USP9Y: variants seen among roughly 807,000 people sequenced by gnomAD.
USP9Y encodes the protein ubiquitin specific peptidase 9 Y-linked.
Under a neutral mutation model 53.1 loss-of-function variants are expected in USP9Y, and 41 were observed. That is an observed-to-expected ratio of 0.77 (90% CI 0.60 to 1.00). USP9Y has a LOEUF of 1.00. Ranked by LOEUF, USP9Y falls within the 50% of genes least tolerant of loss-of-function variation. USP9Y has a pLI of 0.00. For synonymous variants in USP9Y, 220 were observed against 173.7 expected (o/e 1.27, Z -2.09); for missense variants, 567 against 535.8 (o/e 1.06, Z -0.58).
At chrY:12,780,377 C>G in intron 22 of USP9Y, among the ~76,000 whole-genome samples, 1 of 32,922 alleles carries the variant, frequency 3.0e-5, no homozygotes, top group South Asian at 6.8e-4. Flanking sequence ...CTCTTTGACA[C>G]AGCTATCATT....
rs548627167 is a variant in USP9Y at position 12,797,600 on chromosome Y, G to A, written c.3983+4399G>A. Among the ~76,000 whole-genome samples, 226 of 33,448 alleles carry A rather than the reference G, an allele frequency of 6.8e-3. No homozygotes were observed. The South Asian group carries it at 0.15, about 22-fold the overall frequency. 89.7% of individuals were successfully genotyped at this position (33,448 alleles called of 37,273 possible). A position where few individuals can be genotyped will look rare whatever the true frequency, so the allele number is the denominator to read the frequency against. On this transcript the variant is annotated intron_variant, in intron 27 of 45. Coordinates refer to ENST00000338981, the MANE Select transcript of USP9Y (RefSeq NM_004654.4). ...GACAAATGTTTTTTATTCAGATCTT[G>A]AAAAGGTGCTGGACCTTCAGTTAAT... is the stretch of plus-strand genomic sequence containing the variant.
intron 15 of USP9Y, among the ~76,000 whole-genome samples, chrY:12,767,195 G>C (rs752724230): frequency 6.0e-5 from 2 of 33,159 alleles, no homozygotes; most frequent in East Asian, 1.6e-3. Context: ...TTAAAGGCCA[G>C]GTTCTGAGGC....
intron 42 of USP9Y, among the ~76,000 whole-genome samples, chrY:12,850,397 T>C (rs2053570770): frequency 3.1e-5 from 1 of 31,959 alleles, no homozygotes; most frequent in African/African-American, 1.2e-4. Flanking sequence ...AAAAACCAGC[T>C]CCTGGATTCA....
At chrY:12,743,414 C>T (rs2053458139) in intron 12 of USP9Y, among the ~76,000 whole-genome samples, 1 of 31,757 alleles carries the variant, frequency 3.1e-5, no homozygotes, top group Non-Finnish European at 7.6e-5. Flanking sequence ...CCACCACACC[C>T]GGCTAACTTT....
chrY:12,753,875 G>A, intron 12 of USP9Y, among the ~76,000 whole-genome samples: 2 of 32,480 alleles, frequency 6.2e-5, no homozygotes, highest in African/African-American at 1.2e-4. Flanking sequence ...AATTTTCTCT[G>A]TTGTTTCTTT....
chrY:12,727,707 G>A (rs2053443958), intron 7 of USP9Y, among the ~76,000 whole-genome samples: 1 of 32,980 alleles, frequency 3.0e-5, no homozygotes, highest in Non-Finnish European at 7.5e-5. Context: ...GCACATGTGC[G>A]TGTGCTCACA....
intron 1 of USP9Y, among the ~76,000 whole-genome samples, chrY:12,705,544 T>G: frequency 3.1e-5 from 1 of 32,425 alleles, no homozygotes; most frequent in East Asian, 7.9e-4. Context: ...TTTTGTACTA[T>G]TATTTTGTTG....
intron 12 of USP9Y, among the ~76,000 whole-genome samples, chrY:12,755,033 T>G: frequency 3.0e-5 from 1 of 32,916 alleles, no homozygotes; most frequent in African/African-American, 1.2e-4. Flanking sequence ...TTTCATTGTT[T>G]AGTGACCTAT....
At chrY:12,804,439 G>T (rs2053522142) in intron 27 of USP9Y, among the ~76,000 whole-genome samples, 1 of 33,067 alleles carries the variant, frequency 3.0e-5, no homozygotes, top group Non-Finnish European at 7.4e-5. Context: ...TTCATAATTG[G>T]CCATATATTT....
At chrY:12,838,490 T>G in intron 35 of USP9Y, among the ~76,000 whole-genome samples, 1 of 33,332 alleles carries the variant, frequency 3.0e-5, no homozygotes, top group African/African-American at 1.2e-4. Context: ...TTTGAATTTT[T>G]TTTTTATTTC....
intron 25 of USP9Y, 86 bp from the exon 26 acceptor site, chrY:12,791,413 C>T: frequency 3.1e-6 from 1 of 317,961 alleles, no homozygotes; most frequent in South Asian, 3.5e-5. Flanking sequence ...ATTTCCACTT[C>T]TTTCACTAAG....
chrY:12,797,031 C>A, intron 27 of USP9Y, among the ~76,000 whole-genome samples: 1 of 33,714 alleles, frequency 3.0e-5, no homozygotes, highest in Non-Finnish European at 7.4e-5. Flanking sequence ...AGGCTTCTGA[C>A]AATATATTAG....
chrY:12,859,548 T>C lies in USP9Y; in HGVS notation c.*132T>C. On this transcript the variant is annotated 3_prime_UTR_variant, in exon 46 of 46. Coordinates refer to ENST00000338981, the MANE Select transcript of USP9Y (RefSeq NM_004654.4). ...AACATGGAGTAAAGAGCATATTCAC[T>C]GGTTTATTTGCAGTAATTTGCAATT... 2.3e-5 allele frequency: 5 copies of C among 216,019 alleles called. No homozygotes were observed. Among genetic ancestry groups the C allele is most frequent in the Non-Finnish European group, 3.8e-5 (5 of 131,687 alleles). 53.9% of individuals were successfully genotyped at this position (216,019 alleles called of 400,897 possible).
Position 12,842,301 on chromosome Y carries a change from A to T in USP9Y, c.6274A>T (p.Asn2092Tyr). Residue 2092 changes from asparagine (N) to tyrosine (Y), a missense_variant, in exon 38 of 46, where the codon AAT (asparagine) becomes TAT (tyrosine). Asn to Tyr is a moderately radical substitution (Grantham distance 143). Coordinates refer to ENST00000338981, the MANE Select transcript of USP9Y (RefSeq NM_004654.4). ...SKNVRFWFTH[N>Y]VLFNVSNRFS... is the part of the protein sequence containing the mutation. ...AAATGTACGTTTTTGGTTTACTCAT[A>T]ATGTCCTTTTTAATGTATCAAATCG... 2 of 398,057 alleles carry T rather than the reference A, an allele frequency of 5.0e-6. No individual in the cohort carries two copies. The highest frequency in any genetic ancestry group is 5.9e-5 in the South Asian group (2 of 33,748).
At position 12,846,474 on chromosome Y, in the gene USP9Y, T is replaced by G; in HGVS notation, c.6710T>G (p.Ile2237Ser). ...TTATATTCAGTAGTGTCTCAGCTGA[T>G]TCGTTGTTGCAATGTGTCATCAACA... ...GKLYSVVSQL[I>S]RCCNVSSTMQ... The change falls in exon 40 of 46, where the codon ATT becomes AGT. Residue 2237 changes from isoleucine (I) to serine (S), a missense_variant. Coordinates refer to ENST00000338981, the MANE Select transcript of USP9Y (RefSeq NM_004654.4). The G allele has an allele frequency of 2.5e-6, 1 of 398,407 alleles. No homozygotes were observed. The highest frequency in any genetic ancestry group is 9.2e-5 in the East Asian group (1 of 10,819).
intron 39 of USP9Y, among the ~76,000 whole-genome samples, chrY:12,845,201 T>C: frequency 3.0e-5 from 1 of 33,452 alleles, no homozygotes; most frequent in Non-Finnish European, 7.4e-5. Context: ...TGGCTTACGA[T>C]AGACCAAGAT....
chrY:12,841,164 A>G, intron 37 of USP9Y, 31 bp downstream of exon 37: 1 of 377,709 alleles, frequency 2.6e-6, no homozygotes. Flanking sequence ...TTCTTATAGT[A>G]CTTATAGTTG....
chrY:12,795,598 A>G, intron 27 of USP9Y, among the ~76,000 whole-genome samples: 1 of 33,465 alleles, frequency 3.0e-5, no homozygotes, highest in Non-Finnish European at 7.4e-5. Context: ...CGGCTACTCC[A>G]TAGGCAGAGC....
chrY:12,724,608 G>T (rs2053439538), intron 5 of USP9Y, among the ~76,000 whole-genome samples: 1 of 33,524 alleles, frequency 3.0e-5, no homozygotes, highest in African/African-American at 1.2e-4. Flanking sequence ...TTTATTTTTT[G>T]ATAGAGGCAC....
Sources: allele counts gnomAD v4.1 joint callset (sites outside exome capture counted in the v4.1 genomes callset), GRCh38; gene constraint gnomAD v4.1.1; transcripts MANE v1.5; gene names NCBI Gene and HGNC (gene_info 2026-07-23, HGNC 2026-07-21).